The following TMEM272 variants were observed in gnomAD, a reference collection of about 807,000 sequenced individuals.
TMEM272 encodes the protein long intergenic non-protein coding RNA 282.
Under a neutral mutation model 3.7 loss-of-function variants are expected in TMEM272, and 8 were observed. The observed-to-expected ratio is 2.17, with a 90% CI of 1.27 to 3.91. The LOEUF (loss-of-function observed/expected upper bound fraction) is 3.91, where lower values mean the gene tolerates loss of function less well. TMEM272 is among the 30% of genes most tolerant of loss of function. The probability of loss-of-function intolerance (pLI) is 0.00; values close to 1 mark genes in which losing one functional copy is unlikely to be tolerated. For synonymous variants in TMEM272, 63 were observed against 39.8 expected (o/e 1.58, Z -2.20); for missense variants, 166 against 91.5 (o/e 1.81, Z -3.32).
At chr13:51,917,075 G>A in the TMEM272 span, among the ~76,000 whole-genome samples, 2 of 152,156 alleles carry the variant, frequency 1.3e-5, no homozygotes, top group East Asian at 1.9e-4. Flanking sequence ...CTGACCAGGC[G>A]GACATTCACT....
the TMEM272 span, among the ~76,000 whole-genome samples, chr13:51,915,379 T>C: frequency 6.6e-6 from 1 of 152,256 alleles, no homozygotes; most frequent in African/African-American, 2.4e-5. Context: ...TTCTTGGAAT[T>C]GCCATTGAAA....
chr13:51,848,901 T>C (rs1315319277), upstream of TMEM272, among the ~76,000 whole-genome samples: 2 of 152,164 alleles, frequency 1.3e-5, no homozygotes, highest in Non-Finnish European at 2.9e-5. Context: ...CTAATTCTTT[T>C]CATGCTTTCT....
chr13:51,930,017 G>A, the TMEM272 span, among the ~76,000 whole-genome samples: 1 of 152,206 alleles, frequency 6.6e-6, no homozygotes, highest in Non-Finnish European at 1.5e-5. Flanking sequence ...CAAGGAGCAG[G>A]AAGGCTTTGC....
the TMEM272 span, among the ~76,000 whole-genome samples, chr13:51,868,252 G>A: frequency 1.6e-3 from 244 of 152,340 alleles, no homozygotes; most frequent in African/African-American, 5.4e-3. Context: ...CAGTGCGGGA[G>A]AGTCACACAA....
the TMEM272 span, among the ~76,000 whole-genome samples, chr13:51,926,649 G>A: frequency 1.3e-5 from 2 of 151,212 alleles, no homozygotes; most frequent in African/African-American, 2.4e-5. Context: ...GTGGGTGTGG[G>A]TGTGGGTGTG....
the TMEM272 span, among the ~76,000 whole-genome samples, chr13:51,886,484 C>G: frequency 6.6e-6 from 1 of 152,282 alleles, no homozygotes; most frequent in Admixed American, 6.5e-5. Context: ...AAGTGACTTA[C>G]TCAAAGTCAC....
chr13:51,911,173 G>T, the TMEM272 span, among the ~76,000 whole-genome samples: 1 of 152,166 alleles, frequency 6.6e-6, no homozygotes, highest in East Asian at 1.9e-4. Flanking sequence ...ATGCCCCATG[G>T]TAAATTGTGA....
chr13:51,868,407 C>T, the TMEM272 span, among the ~76,000 whole-genome samples: 1 of 152,162 alleles, frequency 6.6e-6, no homozygotes, highest in Non-Finnish European at 1.5e-5. Context: ...ATGAATGAAA[C>T]CGAGTTTTAG....
At chr13:51,926,522 A>AG in the TMEM272 span, among the ~76,000 whole-genome samples, 2 of 150,170 alleles carry the variant, frequency 1.3e-5, no homozygotes, top group Non-Finnish European at 3.0e-5. Context: ...AAAGCCCTGG[A>AG]GCATTAGAGC....
the TMEM272 span, among the ~76,000 whole-genome samples, chr13:51,894,440 ACT>A: frequency 6.6e-6 from 1 of 152,000 alleles, no homozygotes; most frequent in Non-Finnish European, 1.5e-5. Flanking sequence ...CAGTAAAAGG[ACT>A]CTGATTGGCC....
At chr13:51,846,344 C>G (rs1014309931), upstream of TMEM272, among the ~76,000 whole-genome samples, 1 of 152,216 alleles carries the variant, frequency 6.6e-6, no homozygotes, top group Non-Finnish European at 1.5e-5. Flanking sequence ...ATTCCTATCA[C>G]CTAGTGATGT....
At chr13:51,826,652 TG>T (rs1341170495) in intron 2 of TMEM272, 27 bp from the exon 3 acceptor site, 1 of 702,358 alleles carries the variant, frequency 1.4e-6, no homozygotes, top group African/African-American at 1.7e-5. Context: ...GGGCAGGCAC[TG>T]GGTTAGAAAC....
chr13:51,898,666 A>T, the TMEM272 span, among the ~76,000 whole-genome samples: 3 of 150,700 alleles, frequency 2.0e-5, no homozygotes, highest in South Asian at 2.1e-4. Flanking sequence ...TGCCTACTTC[A>T]CAGCCTATCC....
the TMEM272 span, among the ~76,000 whole-genome samples, chr13:51,882,555 T>C: frequency 3.3e-5 from 5 of 152,098 alleles, no homozygotes; most frequent in Non-Finnish European, 5.9e-5. Context: ...CCAACAGTTA[T>C]AAAAGTGTTG....
the TMEM272 span, among the ~76,000 whole-genome samples, chr13:51,892,275 T>A: frequency 6.6e-6 from 1 of 152,184 alleles, no homozygotes; most frequent in African/African-American, 2.4e-5. Flanking sequence ...CTGGTTTATG[T>A]TTATCGAAGC....
the TMEM272 span, among the ~76,000 whole-genome samples, chr13:51,870,325 A>G: frequency 6.6e-6 from 1 of 152,226 alleles, no homozygotes; most frequent in Non-Finnish European, 1.5e-5. Flanking sequence ...AAATACACAT[A>G]GAAAGGGTCT....
At chr13:51,876,573 T>A in the TMEM272 span, among the ~76,000 whole-genome samples, 1 of 152,348 alleles carries the variant, frequency 6.6e-6, no homozygotes, top group South Asian at 2.1e-4. Flanking sequence ...TACACTCTGA[T>A]TTTATTATTA....
the TMEM272 span, among the ~76,000 whole-genome samples, chr13:51,852,675 C>T: frequency 5.9e-5 from 9 of 152,064 alleles, no homozygotes; most frequent in South Asian, 2.1e-4. Flanking sequence ...GTCAAGAGAT[C>T]GAGACCATCC....
rs534518600 is a variant in TMEM272, at chr13:51,821,226, G to A, written c.201+829C>T. Among the ~76,000 whole-genome samples, 17 of 152,242 alleles carry A rather than the reference G, an allele frequency of 1.1e-4. No homozygotes were observed. In the South Asian group the frequency reaches 3.1e-3, roughly 28 times the overall value. ...GGCTTTGTTTTTATGAAACCATCTT[G>A]GGAAAATGGATGCTTGTGTTTTCTG... On this transcript the variant is annotated intron_variant, in intron 4 of 4. Coordinates refer to ENST00000629372, the MANE Select transcript of TMEM272 (RefSeq NM_001351003.2).
Sources: allele counts gnomAD v4.1 joint callset (sites outside exome capture counted in the v4.1 genomes callset), GRCh38; gene constraint gnomAD v4.1.1; transcripts MANE v1.5; gene names NCBI Gene and HGNC (gene_info 2026-07-23, HGNC 2026-07-21).